Variants in CCDC68 observed in about 807,000 individuals in gnomAD.
CCDC68 encodes coiled-coil domain-containing protein 68.
A neutral mutation model predicts 47.1 loss-of-function variants in CCDC68; 45 were observed. The observed-to-expected ratio is 0.96, with a 90% CI of 0.75 to 1.23. CCDC68 has a LOEUF of 1.23. Ranked by LOEUF, CCDC68 falls within the 50% of genes most tolerant of loss-of-function variation. CCDC68 has a pLI of 0.00. For synonymous variants in CCDC68, 131 were observed against 129.5 expected, an observed-to-expected ratio of 1.01 and a Z score of -0.08; for missense variants, 353 against 373.6, an observed-to-expected ratio of 0.94 and a Z score of 0.45.
intron 1 of CCDC68, among the ~76,000 whole-genome samples, chr18:54,946,540 A>AT (rs1324812591): frequency 6.6e-6 from 1 of 152,226 alleles, no homozygotes; most frequent in East Asian, 1.9e-4. Flanking sequence ...CATAAGAGGC[A>AT]TTTTATCATA....
chr18:54,932,963 A>G (rs1378931279), intron 7 of CCDC68, among the ~76,000 whole-genome samples: 5 of 152,220 alleles, frequency 3.3e-5, no homozygotes, highest in Admixed American at 1.3e-4. Flanking sequence ...TATGCTACAC[A>G]TGGTGGTGTT....
chr18:54,955,930 G>C (rs2044705265), intron 1 of CCDC68, among the ~76,000 whole-genome samples: 1 of 151,164 alleles, frequency 6.6e-6, no homozygotes, highest in Non-Finnish European at 1.5e-5. Flanking sequence ...TACCATGTTG[G>C]CCAGGCTGGT....
chr18:54,916,623 A>G (rs911144531), intron 10 of CCDC68, among the ~76,000 whole-genome samples: 26 of 152,104 alleles, frequency 1.7e-4, no homozygotes, highest in African/African-American at 6.0e-4. Flanking sequence ...ACACGGCAAG[A>G]AATGGAATGA....
At chr18:54,910,302 T>C (rs570347517) in intron 10 of CCDC68, among the ~76,000 whole-genome samples, 2 of 152,270 alleles carry the variant, frequency 1.3e-5, no homozygotes, top group East Asian at 3.9e-4. Flanking sequence ...GGGTGGCTCC[T>C]CTCTGCAGGC....
At chr18:54,923,874 G>A (rs189003681) in intron 8 of CCDC68, among the ~76,000 whole-genome samples, 6 of 152,004 alleles carry the variant, frequency 3.9e-5, no homozygotes, top group South Asian at 4.2e-4. Flanking sequence ...CACTATGCCC[G>A]GCTAATTTTT....
chr18:54,923,857 C>T (rs1309713611), intron 8 of CCDC68, among the ~76,000 whole-genome samples: 2 of 152,192 alleles, frequency 1.3e-5, no homozygotes, highest in East Asian at 3.9e-4. Flanking sequence ...GAATTACAGG[C>T]ACCCATCACT....
At chr18:54,948,506 G>A (rs866139226) in intron 1 of CCDC68, among the ~76,000 whole-genome samples, 1 of 152,214 alleles carries the variant, frequency 6.6e-6, no homozygotes, top group African/African-American at 2.4e-5. Flanking sequence ...AAGCCACTCT[G>A]TGTGTGGCAC....
intron 7 of CCDC68, among the ~76,000 whole-genome samples, chr18:54,930,291 A>T (rs762398244): frequency 3.4e-4 from 51 of 152,098 alleles, no homozygotes; most frequent in Non-Finnish European, 6.9e-4. Flanking sequence ...TTCTATATTC[A>T]TTTGACTTAT....
intron 8 of CCDC68, among the ~76,000 whole-genome samples, chr18:54,924,512 T>C (rs1217039864): frequency 6.6e-6 from 1 of 152,162 alleles, no homozygotes; most frequent in African/African-American, 2.4e-5. Flanking sequence ...CCTACCCTTT[T>C]GAAGGAGGGA....
intron 1 of CCDC68, among the ~76,000 whole-genome samples, chr18:54,951,233 T>C (rs1455551640): frequency 6.6e-6 from 1 of 152,176 alleles, no homozygotes; most frequent in African/African-American, 2.4e-5. Context: ...TGAAATAGTC[T>C]ATCCTCATAG....
intron 7 of CCDC68, among the ~76,000 whole-genome samples, chr18:54,932,327 A>G (rs1181646166): frequency 1.3e-5 from 2 of 151,702 alleles, no homozygotes; most frequent in African/African-American, 4.8e-5. Context: ...TGGGACTACA[A>G]GCACATGCTA....
intron 11 of CCDC68, among the ~76,000 whole-genome samples, chr18:54,904,690 A>T (rs1321012640): frequency 6.6e-5 from 10 of 152,224 alleles, no homozygotes; most frequent in Non-Finnish European, 1.5e-4. Context: ...AAGAGCCTGT[A>T]TCTGCCATTC....
intron 10 of CCDC68, among the ~76,000 whole-genome samples, chr18:54,916,146 G>C (rs1252958970): frequency 6.6e-6 from 1 of 152,128 alleles, no homozygotes; most frequent in Non-Finnish European, 1.5e-5. Context: ...GGGCACTTGA[G>C]TGAACACTAG....
In CCDC68 at chr18:54,920,663, A is replaced by G. The variant is rs2044042141; in HGVS notation, c.684-1287T>C. On this transcript the variant is annotated intron_variant, in intron 8 of 11. Transcript: ENST00000591504. Reference sequence around the variant, plus strand: ...TATGAGATACCATCTCGCAGCAGTCATAATGGCTATTATTAAAAAGTAAAA... The same window carrying G: ...TATGAGATACCATCTCGCAGCAGTCGTAATGGCTATTATTAAAAAGTAAAA... 2.6e-5 allele frequency among the ~76,000 whole-genome samples: 4 copies of G among 152,252 alleles called. No individual in the cohort carries two copies. The South Asian group carries it at 8.3e-4, about 31-fold the overall frequency.
chr18:54,921,269 A>G (rs2044055596), intron 8 of CCDC68, among the ~76,000 whole-genome samples: 1 of 152,210 alleles, frequency 6.6e-6, no homozygotes, highest in Admixed American at 6.5e-5. Context: ...GACAGATTCA[A>G]TAGTAGCCCA....
At position 54,957,115 on chromosome 18, in the gene CCDC68, ATAC is replaced by A. The variant is rs2044724640; in HGVS notation, c.-103+2218_-103+2220del. Among the ~76,000 whole-genome samples the A allele has an allele frequency of 1.3e-5, 2 of 152,182 alleles. 1 individual carries two copies. ...TTTTGTCTCTAGATTATTGTCATCC[ATAC>A]TACAAGTTTAGTTTTTATTTAATTT... On this transcript the variant is annotated intron_variant, in intron 1 of 11. Coordinates refer to ENST00000591504, the MANE Select transcript of CCDC68 (RefSeq NM_025214.3).
At chr18:54,954,746 A>T (rs1237542598) in intron 1 of CCDC68, 1 of 152,202 alleles carries the variant, frequency 6.6e-6, no homozygotes, top group Non-Finnish European at 1.5e-5. Context: ...GGCTAGAAAA[A>T]AAATGCATTT....
intron 1 of CCDC68, 136 bp from the exon 2 acceptor site, chr18:54,945,613 G>A (rs543594115): frequency 6.6e-6 from 1 of 152,120 alleles, no homozygotes; most frequent in South Asian, 2.1e-4. Flanking sequence ...ATACTACAAA[G>A]TCCTGCATTT....
chr18:54,938,218 T>C, intron 4 of CCDC68, 121 bp from the exon 5 acceptor site: 1 of 861,900 alleles, frequency 1.2e-6, no homozygotes, highest in South Asian at 3.8e-5. Context: ...CAAACAAACA[T>C]CTTTTGAATC....
Sources: allele counts gnomAD v4.1 joint callset (sites outside exome capture counted in the v4.1 genomes callset), GRCh38; gene constraint gnomAD v4.1.1; transcripts MANE v1.5; gene names NCBI Gene and HGNC (gene_info 2026-07-23, HGNC 2026-07-21).